The following RAB7B variants were observed in gnomAD, a reference collection of about 807,000 sequenced individuals.
RAB7B encodes ras-related protein Rab-7b.
rs1372239276 is a variant in RAB7B, at chr1:205,992,560, C to T, written c.316G>A (p.Val106Ile). ...FEALDIWRGD[V>I]LAKIVPMEQS... is the part of the protein sequence containing the mutation. ...TCCATGGGGACAATCTTGGCCAGGA[C>T]ATCACCCCGCCAGATATCCAGGGCT... The change falls in exon 4 of 6, where the codon GTC becomes ATC. Residue 106 changes from valine to isoleucine, a missense_variant. Transcript: ENST00000617070. The T allele has an allele frequency of 7.5e-6, 3 of 398,626 alleles. No individual in the cohort carries two copies. The highest frequency in any genetic ancestry group is 1.3e-5 in the Non-Finnish European group (3 of 226,126). The allele number at this position is 398,626 out of a possible 1,614,324, so 24.7% of individuals were successfully genotyped here. A position where few individuals can be genotyped will look rare whatever the true frequency, so the allele number is the denominator to read the frequency against.
At chr1:205,979,949 T>G (rs1339237295) in intron 5 of RAB7B, among the ~76,000 whole-genome samples, 1 of 152,210 alleles carries the variant, frequency 6.6e-6, no homozygotes, top group Non-Finnish European at 1.5e-5. Flanking sequence ...GACACCCAGC[T>G]GGTGAATATC....
chr1:205,993,197 A>G (rs1660754336), intron 3 of RAB7B, among the ~76,000 whole-genome samples: 1 of 152,146 alleles, frequency 6.6e-6, no homozygotes, highest in African/African-American at 2.4e-5. Flanking sequence ...CTGCCATTGT[A>G]CTGCATAACT....
At chr1:205,998,437 G>T (rs1265330905) in intron 1 of RAB7B, among the ~76,000 whole-genome samples, 1 of 152,308 alleles carries the variant, frequency 6.6e-6, no homozygotes, top group South Asian at 2.1e-4. Context: ...TGAACCCATG[G>T]AATCTGTGTG....
intron 2 of RAB7B, 58 bp from the exon 3 acceptor site, chr1:205,993,604 T>A (rs1660762020): frequency 1.3e-5 from 5 of 398,082 alleles, no homozygotes; most frequent in Non-Finnish European, 1.3e-5. Flanking sequence ...TGCACATGCT[T>A]CCCTACCATT....
intron 5 of RAB7B, among the ~76,000 whole-genome samples, chr1:205,979,770 G>C (rs1416039732): frequency 1.3e-5 from 2 of 152,166 alleles, no homozygotes; most frequent in Admixed American, 6.5e-5. Flanking sequence ...GAAGGGGTTT[G>C]TGCTACATTG....
Position 205,997,445 on chromosome 1 carries a change from G to A in RAB7B, c.-16-3294C>T, listed in dbSNP as rs908925721. On this transcript the variant is annotated intron_variant, in intron 1 of 5. Coordinates refer to ENST00000617070, the MANE Select transcript of RAB7B (RefSeq NM_001164522.3). ...CCAAAGCCTTGGGAAGAGATGAATG[G>A]GGAAAGTGGGCGATTTGCTTCAGGG... Among the ~76,000 whole-genome samples, 1,259 of 152,298 alleles carry A rather than the reference G, an allele frequency of 8.3e-3. 28 individuals carry two copies. Among genetic ancestry groups the A allele is most frequent in the African/African-American group, 0.029 (1,193 of 41,542 alleles).
intron 5 of RAB7B, among the ~76,000 whole-genome samples, chr1:205,982,300 T>G (rs1365397192): frequency 1.3e-5 from 2 of 152,254 alleles, no homozygotes; most frequent in Non-Finnish European, 2.9e-5. Flanking sequence ...AAACTGCTCC[T>G]GTTCCTTTCT....
intron 1 of RAB7B, among the ~76,000 whole-genome samples, chr1:205,995,219 G>T (rs1369183651): frequency 2.0e-5 from 3 of 151,984 alleles, no homozygotes; most frequent in African/African-American, 7.3e-5. Context: ...TAATAAACCT[G>T]CATGTTGTGC....
rs1660410624 is a variant in RAB7B at position 205,977,749 on chromosome 1, C to A, written c.*1102G>T. ...GCTTTGGGTCTTGATGCTCCCTCTCCCTGGAATGTTCTTTCTCCAGCTCTC... is the reference window on the plus strand; with the variant it reads ...GCTTTGGGTCTTGATGCTCCCTCTCACTGGAATGTTCTTTCTCCAGCTCTC... On this transcript the variant is annotated 3_prime_UTR_variant, in exon 6 of 6. Coordinates refer to ENST00000617070, the MANE Select transcript of RAB7B (RefSeq NM_001164522.3). The A allele has an allele frequency of 6.6e-6, 1 of 152,258 alleles. No individual in the cohort carries two copies. The highest frequency in any genetic ancestry group is 2.1e-4 in the South Asian group (1 of 4,832). The allele number at this position is 152,258 out of a possible 1,614,324, so 9.4% of individuals were successfully genotyped here. A position where few individuals can be genotyped will look rare whatever the true frequency, so the allele number is the denominator to read the frequency against.
intron 1 of RAB7B, among the ~76,000 whole-genome samples, chr1:205,997,576 AT>A (rs2102643232): frequency 6.6e-6 from 1 of 151,328 alleles, no homozygotes; most frequent in South Asian, 2.1e-4. Context: ...TCATTCATTC[AT>A]TCATTCATTC....
intron 4 of RAB7B, among the ~76,000 whole-genome samples, chr1:205,985,934 A>G (rs923978504): frequency 6.8e-6 from 1 of 147,970 alleles, no homozygotes; most frequent in Non-Finnish European, 1.5e-5. Context: ...TCACAGATGA[A>G]AAAACGGAGG....
intron 1 of RAB7B, among the ~76,000 whole-genome samples, chr1:205,995,861 T>TA (rs1660804726): frequency 6.6e-6 from 1 of 152,194 alleles, no homozygotes; most frequent in African/African-American, 2.4e-5. Context: ...AAATTCCTAA[T>TA]AGAGTTTATA....
intron 4 of RAB7B, among the ~76,000 whole-genome samples, chr1:205,989,436 C>T (rs887221472): frequency 6.6e-6 from 1 of 152,086 alleles, no homozygotes; most frequent in Non-Finnish European, 1.5e-5. Context: ...TTGCCAGGTG[C>T]CCCTCATTCA....
In RAB7B at chr1:205,978,257, T is replaced by C. The variant is rs1325767358; in HGVS notation, c.*594A>G. ...AGGAGGAATGAGCCATGGTCCCTTG[T>C]GGCTTCTCCTGTGCTCCCTCAGTCT... On this transcript the variant is annotated 3_prime_UTR_variant, in exon 6 of 6. Coordinates refer to ENST00000617070, the MANE Select transcript of RAB7B (RefSeq NM_001164522.3). The C allele has an allele frequency of 6.6e-6, 1 of 152,152 alleles. No individual in the cohort carries two copies. The highest frequency in any genetic ancestry group is 1.5e-5 in the Non-Finnish European group (1 of 68,036). 9.4% of individuals were successfully genotyped at this position (152,152 alleles called of 1,614,324 possible).
In RAB7B at chr1:205,992,396, G is replaced by A. The variant is rs988683893; in HGVS notation, c.396+84C>T. ...TAAGGACTATGCCTGATTCAGCTCT[G>A]TATGTGTGGGACCTAACACTGTGCC... On this transcript the variant is annotated intron_variant, in intron 4 of 5. Transcript: ENST00000617070. The A allele has an allele frequency of 3.7e-4, 148 of 398,088 alleles. 1 individual carries two copies. The highest frequency in any genetic ancestry group is 2.7e-3 in the African/African-American group (133 of 48,762). 24.7% of individuals were successfully genotyped at this position (398,088 alleles called of 1,614,324 possible).
rs1274474763 is a variant in RAB7B at position 206,003,283 on chromosome 1, T to G, written c.-47A>C. On this transcript the variant is annotated 5_prime_UTR_variant, in exon 1 of 6. Transcript: ENST00000617070. ...TGGCTGTGCAGCACTCGGCCTCCGC[T>G]CTGAGGGCAGCTGGGAGTCCTCTCT... 4 of 152,242 alleles carry G rather than the reference T, an allele frequency of 2.6e-5. No individual in the cohort carries two copies. The highest frequency in any genetic ancestry group is 9.7e-5 in the African/African-American group (4 of 41,420). 9.4% of individuals were successfully genotyped at this position (152,242 alleles called of 1,614,324 possible).
chr1:205,980,631 A>T (rs1660472899), intron 5 of RAB7B, among the ~76,000 whole-genome samples: 2 of 152,202 alleles, frequency 1.3e-5, no homozygotes, highest in East Asian at 3.8e-4. Context: ...CCTGAGGACC[A>T]TGTAAAGCTG....
In RAB7B at chr1:205,993,489, G is replaced by A. The variant is rs1374686110; in HGVS notation, c.111C>T (p.Tyr37=). 1.5e-5 allele frequency: 6 copies of A among 398,448 alleles called. No homozygotes were observed. Among genetic ancestry groups the A allele is most frequent in the African/African-American group, 6.2e-5 (3 of 48,586 alleles). 24.7% of individuals were successfully genotyped at this position (398,448 alleles called of 1,614,324 possible). Residue 37 remains tyrosine (Y), a synonymous_variant, in exon 3 of 6, where the codon TAC becomes TAT. Coordinates refer to ENST00000617070, the MANE Select transcript of RAB7B (RefSeq NM_001164522.3). ...QYVHKTFYEE[Y]QTTLGASILS... ...GGATGCTGGCCCCCAGTGTGGTCTG[G>A]TATTCCTCATAAAACGTCTTGTGCA...
intron 5 of RAB7B, among the ~76,000 whole-genome samples, chr1:205,981,410 T>C (rs1466428384): frequency 6.6e-6 from 1 of 152,242 alleles, no homozygotes; most frequent in Non-Finnish European, 1.5e-5. Flanking sequence ...TTTCAGAATG[T>C]TAACTGAACA....
Sources: gnomAD v4.1 joint callset for allele counts (sites outside exome capture counted in the v4.1 genomes callset) on GRCh38, gnomAD v4.1.1 for gene constraint, MANE v1.5 for transcripts, NCBI Gene and HGNC (gene_info 2026-07-23, HGNC 2026-07-21) for gene names.